Variants in SLC35F4 observed in about 807,000 individuals in gnomAD.
The protein encoded by SLC35F4 is solute carrier family 35 member F4.
Under a neutral mutation model 44.2 loss-of-function variants are expected in SLC35F4, and 24 were observed. The ratio of observed to expected loss-of-function variants is 0.54; its 90% CI spans 0.39 to 0.76. The LOEUF is 0.76. Ranked by LOEUF, SLC35F4 falls within the 30% of genes least tolerant of loss-of-function variation. The pLI is 0.00. For synonymous variants in SLC35F4, 238 were observed against 223.6 expected, an observed-to-expected ratio of 1.06 and a Z score of -0.57; for missense variants, 562 against 586.1, an observed-to-expected ratio of 0.96 and a Z score of 0.42.
At chr14:57,751,056 G>C (rs1322563383) in intron 1 of SLC35F4, among the ~76,000 whole-genome samples, 3 of 152,162 alleles carry the variant, frequency 2.0e-5, no homozygotes, top group Admixed American at 2.0e-4. Context: ...AGCTACAATA[G>C]ACTGAAAACC....
In SLC35F4 at chr14:57,776,971, G is replaced by C. The variant is rs563535781; in HGVS notation, c.103+88752C>G. Among the ~76,000 whole-genome samples, 60 of 152,288 alleles carry C rather than the reference G, an allele frequency of 3.9e-4. No individual in the cohort carries two copies. In the South Asian group the frequency reaches 0.012, roughly 32 times the overall value. On this transcript the variant is annotated intron_variant, in intron 1 of 7. Transcript: ENST00000556826. ...GCACTAAATGTGGAAAGGAAAGATGGTTATCAGCCACTAAAAAACACACTT... is the reference window on the plus strand; with the variant it reads ...GCACTAAATGTGGAAAGGAAAGATGCTTATCAGCCACTAAAAAACACACTT...
chr14:57,695,405 A>C (rs1262990219), intron 1 of SLC35F4, among the ~76,000 whole-genome samples: 5 of 151,692 alleles, frequency 3.3e-5, no homozygotes, highest in Admixed American at 6.6e-5. Flanking sequence ...ATGCAGCCAA[A>C]AAACACATGA....
At position 57,836,165 on chromosome 14, in the gene SLC35F4, T is replaced by A. The variant is rs79292183; in HGVS notation, c.103+29558A>T. ...GCCAGTGTTTTGCAGACTTCAGTAG[T>A]TTAACTAATGACTTACCTACATACC... is the stretch of plus-strand genomic sequence containing the variant. On this transcript the variant is annotated intron_variant, in intron 1 of 7. Transcript: ENST00000556826. 5.7e-3 allele frequency among the ~76,000 whole-genome samples: 867 copies of A among 152,352 alleles called. 9 individuals are homozygous for A. Among genetic ancestry groups the A allele is most frequent in the African/African-American group, 0.02 (816 of 41,578 alleles).
chr14:57,768,937 G>A (rs1012128238), intron 1 of SLC35F4, among the ~76,000 whole-genome samples: 7 of 152,100 alleles, frequency 4.6e-5, no homozygotes, highest in African/African-American at 1.4e-4. Context: ...ATTTTTAGTA[G>A]CGATAGGGTT....
chr14:57,982,866 C>T (rs547660845), upstream of SLC35F4, among the ~76,000 whole-genome samples: 1 of 152,240 alleles, frequency 6.6e-6, no homozygotes, highest in South Asian at 2.1e-4. Context: ...ATGGGCCTCA[C>T]CCGCATTGAG....
chr14:57,747,009 A>AC (rs1359012430), intron 1 of SLC35F4, among the ~76,000 whole-genome samples: 2 of 152,216 alleles, frequency 1.3e-5, no homozygotes, highest in Admixed American at 6.5e-5. Flanking sequence ...TTTTTGAGAT[A>AC]GTTCACTTTT....
At chr14:57,845,019 C>A (rs1885879869) in intron 1 of SLC35F4, among the ~76,000 whole-genome samples, 1 of 152,080 alleles carries the variant, frequency 6.6e-6, no homozygotes, top group Non-Finnish European at 1.5e-5. Context: ...CCTTCAGACA[C>A]AGCATCTGGT....
intron 1 of SLC35F4, among the ~76,000 whole-genome samples, chr14:57,622,114 T>A (rs2072215071): frequency 1.5e-5 from 2 of 129,686 alleles, no homozygotes; most frequent in African/African-American, 5.7e-5. Flanking sequence ...AAAACCACAA[T>A]GAGATACCAT....
intron 4 of SLC35F4, chr14:57,580,916 AGGAGGTGAACACACCATTAGT>A (rs2139808705): frequency 4.2e-6 from 1 of 238,874 alleles, no homozygotes; most frequent in African/African-American, 2.2e-5. Context: ...TGAGGACAGA[AGGAGGTGAACACACCATTAGT>A]TCTAAAAATT....
At chr14:57,888,224 C>T (rs756211817) in intron 1 of SLC35F4, among the ~76,000 whole-genome samples, 2 of 152,158 alleles carry the variant, frequency 1.3e-5, no homozygotes, top group African/African-American at 2.4e-5. Context: ...ACATAAGCCA[C>T]AGATCTTAAT....
At chr14:57,908,835 GT>G (rs1555401105) in intron 1 of SLC35F4, among the ~76,000 whole-genome samples, 1 of 152,130 alleles carries the variant, frequency 6.6e-6, no homozygotes, top group Non-Finnish European at 1.5e-5. Context: ...TGTTTTTGGC[GT>G]TTTAGTCATG....
intron 1 of SLC35F4, among the ~76,000 whole-genome samples, chr14:57,959,948 C>G (rs781704192): frequency 1.3e-5 from 2 of 152,072 alleles, no homozygotes; most frequent in Non-Finnish European, 2.9e-5. Flanking sequence ...GAAGAGGGCA[C>G]CAGGACTCCT....
At chr14:57,634,069 G>A (rs1365659837) in intron 1 of SLC35F4, among the ~76,000 whole-genome samples, 1 of 152,106 alleles carries the variant, frequency 6.6e-6, no homozygotes, top group African/African-American at 2.4e-5. Context: ...GCTGTAAAAT[G>A]AGATAAGGAC....
At chr14:57,802,985 C>CAAAAAAAA (rs59647111) in intron 1 of SLC35F4, among the ~76,000 whole-genome samples, 2 of 71,320 alleles carry the variant, frequency 2.8e-5, no homozygotes, top group Non-Finnish European at 2.6e-5. Context: ...GCAGAGATAC[C>CAAAAAAAA]AAAAAAAAAA....
intron 1 of SLC35F4, among the ~76,000 whole-genome samples, chr14:57,863,446 C>G (rs1887848373): frequency 6.6e-6 from 1 of 152,202 alleles, no homozygotes; most frequent in Non-Finnish European, 1.5e-5. Flanking sequence ...GCATAGATAT[C>G]TAGAGATTGT....
chr14:57,790,175 T>C (rs1354262938), intron 1 of SLC35F4, among the ~76,000 whole-genome samples: 1 of 152,134 alleles, frequency 6.6e-6, no homozygotes, highest in East Asian at 1.9e-4. Context: ...AAAAATGGTA[T>C]TCACATAGGA....
intron 1 of SLC35F4, among the ~76,000 whole-genome samples, chr14:57,677,345 A>G (rs181614962): frequency 2.6e-5 from 4 of 152,054 alleles, no homozygotes; most frequent in Non-Finnish European, 4.4e-5. Flanking sequence ...AAAACCTCAG[A>G]AATGACCACT....
At chr14:57,645,603 A>G (rs2073469783) in intron 1 of SLC35F4, among the ~76,000 whole-genome samples, 1 of 151,442 alleles carries the variant, frequency 6.6e-6, no homozygotes, top group South Asian at 2.1e-4. Flanking sequence ...TCCTAATTGA[A>G]TGCCCTTTAT....
At chr14:57,621,216 C>G (rs571521925) in intron 1 of SLC35F4, among the ~76,000 whole-genome samples, 1 of 150,016 alleles carries the variant, frequency 6.7e-6, no homozygotes, top group Admixed American at 6.7e-5. Flanking sequence ...TAGGAAGAAT[C>G]AATATCGTGA....
Sources: allele counts gnomAD v4.1 joint callset (sites outside exome capture counted in the v4.1 genomes callset), GRCh38; gene constraint gnomAD v4.1.1; transcripts MANE v1.5; gene names NCBI Gene and HGNC (gene_info 2026-07-23, HGNC 2026-07-21).